The following VIPR1 variants were observed in gnomAD, a reference collection of about 807,000 sequenced individuals.
VIPR1 encodes the protein vasoactive intestinal polypeptide receptor 1.
VIPR1 carries 59 observed loss-of-function variants against 58.8 expected under a neutral mutation model. The ratio of observed to expected loss-of-function variants is 1.00; its 90% confidence interval spans 0.81 to 1.25. The LOEUF (loss-of-function observed/expected upper bound fraction) is 1.25. Ranked by LOEUF, VIPR1 falls within the 50% of genes most tolerant of loss-of-function variation. The pLI is 0.00. For missense variants in VIPR1, 626 were observed against 602.7 expected (o/e 1.04, Z -0.40); for synonymous variants, 251 against 242.1 (o/e 1.04, Z -0.34).
chr3:42,520,676 T>TA (rs1336955513), intron 3 of VIPR1, among the ~76,000 whole-genome samples: 2 of 151,926 alleles, frequency 1.3e-5, no homozygotes, highest in African/African-American at 2.4e-5. Flanking sequence ...GAGCAGAACT[T>TA]ATATAATTAT....
At position 42,530,783 on chromosome 3, in the gene VIPR1, G is replaced by T; in HGVS notation, c.641G>T (p.Gly214Val). 6.2e-7 allele frequency: 1 copy of T among 1,613,974 alleles called. No individual in the cohort carries two copies. Among genetic ancestry groups the T allele is most frequent in the South Asian group, 1.1e-5 (1 of 91,080 alleles). ...ESDQCSEGSV[G>V]CKAAMVFFQY... ...TCTTTTCTCCTCCCCCTGCAGGTGG[G>T]CTGTAAGGCAGCCATGGTCTTTTTC... Residue 214 changes from glycine (G) to valine (V), a missense_variant, in exon 7 of 13, where the codon GGC becomes GTC. Transcript: ENST00000325123.
At chr3:42,518,467 G>A (rs1323064715) in intron 2 of VIPR1, among the ~76,000 whole-genome samples, 2 of 152,180 alleles carry the variant, frequency 1.3e-5, no homozygotes. Flanking sequence ...GGCCGGGCGC[G>A]GTGGCTCATA....
chr3:42,491,759 G>C (rs183460907), intron 1 of VIPR1, among the ~76,000 whole-genome samples: 349 of 152,246 alleles, frequency 2.3e-3, no homozygotes, highest in Non-Finnish European at 4.1e-3. Flanking sequence ...ATTTTTAGTA[G>C]AGCTGGGCTT....
chr3:42,536,357 GCCTGCCCGGGCGCGGCCAGCCCCGGC>G lies in VIPR1; in HGVS notation c.*81_*106del. ...ACCCCGGCAGACGCCGGGGACAGAGGCCTGCCCGGGCGCGGCCAGCCCCGGCCCTGGGCTCGGAGGCTGCCCCCGGC... is the reference window on the plus strand; with the variant it reads ...ACCCCGGCAGACGCCGGGGACAGAGGCCTGGGCTCGGAGGCTGCCCCCGGC... On this transcript the variant is annotated 3_prime_UTR_variant, in exon 13 of 13. Coordinates refer to ENST00000325123, the MANE Select transcript of VIPR1 (RefSeq NM_004624.4). 1 of 1,418,518 alleles carries G rather than the reference GCCTGCCCGGGCGCGGCCAGCCCCGGC, an allele frequency of 7.0e-7. No individual in the cohort carries two copies. Among genetic ancestry groups the G allele is most frequent in the Non-Finnish European group, 9.2e-7 (1 of 1,088,392 alleles). The allele number at this position is 1,418,518 out of a possible 1,614,324, so 87.9% of individuals were successfully genotyped here. A position where few individuals can be genotyped will look rare whatever the true frequency, so the allele number is the denominator to read the frequency against.
intron 1 of VIPR1, among the ~76,000 whole-genome samples, chr3:42,493,736 C>T (rs1699707997): frequency 6.6e-6 from 1 of 152,238 alleles, no homozygotes; most frequent in Admixed American, 6.5e-5. Context: ...ACTCCCACCC[C>T]TGCTCTGCAA....
At position 42,527,501 on chromosome 3, in the gene VIPR1, G is replaced by A. The variant is rs1197584469; in HGVS notation, c.503+5G>A. 10 of 1,613,108 alleles carry A rather than the reference G, an allele frequency of 6.2e-6. No homozygotes were observed. The highest frequency in any genetic ancestry group is 8.5e-6 in the Non-Finnish European group (10 of 1,179,834). On this transcript the variant is annotated splice_donor_5th_base_variant and intron_variant, in intron 5 of 12. Coordinates refer to ENST00000325123, the MANE Select transcript of VIPR1 (RefSeq NM_004624.4). ...AGCTATCCTGAGCCTGTTCAGGTGA[G>A]GCCCAGCCCAAGTCACAGGCCTCAA... is the stretch of plus-strand genomic sequence containing the variant.
chr3:42,521,381 G>A (rs1463165929), intron 3 of VIPR1: 1 of 152,184 alleles, frequency 6.6e-6, no homozygotes, highest in African/African-American at 2.4e-5. Flanking sequence ...CTCTGAAAAT[G>A]GTGGAGAGAA....
intron 10 of VIPR1, 194 bp from the exon 11 acceptor site, chr3:42,534,781 A>G: frequency 1.6e-6 from 1 of 609,982 alleles, no homozygotes; most frequent in Non-Finnish European, 2.6e-6. Context: ...GGCTGGGGGC[A>G]GAAGGGCAGA....
chr3:42,497,344 G>A (rs1699782519), intron 1 of VIPR1, among the ~76,000 whole-genome samples: 1 of 152,092 alleles, frequency 6.6e-6, no homozygotes, highest in South Asian at 2.1e-4. Flanking sequence ...GCACACGCTG[G>A]CCAAGCCCTG....
chr3:42,536,122 C>G lies in VIPR1; in HGVS notation c.1215C>G (p.Arg405=). Reference sequence around the variant, plus strand: ...CGGAGCTGAGGCGGAAGTGGCGGCGCTGGCACCTGCAGGGCGTCCTGGGCT... The same window carrying G: ...CGGAGCTGAGGCGGAAGTGGCGGCGGTGGCACCTGCAGGGCGTCCTGGGCT... ...VQAELRRKWR[R]WHLQGVLGWN... The change falls in exon 13 of 13, where the codon CGC becomes CGG. Residue 405 remains arginine (R), a synonymous_variant. Coordinates refer to ENST00000325123, the MANE Select transcript of VIPR1 (RefSeq NM_004624.4). The G allele has an allele frequency of 6.2e-7, 1 of 1,603,698 alleles. No individual in the cohort carries two copies.
chr3:42,513,571 T>C (rs1017643499), intron 1 of VIPR1, 178 bp from the exon 2 acceptor site: 3 of 607,234 alleles, frequency 4.9e-6, no homozygotes, highest in African/African-American at 3.7e-5. Context: ...GACCCAGGTT[T>C]GGGGGCAATG....
rs147136453 is a variant in VIPR1 at position 42,508,494 on chromosome 3, T to C, written c.79-5255T>C. Among the ~76,000 whole-genome samples the C allele has an allele frequency of 3.0e-3, 452 of 152,238 alleles. 2 individuals are homozygous for C. Among genetic ancestry groups the C allele is most frequent in the African/African-American group, 9.8e-3 (407 of 41,526 alleles). On this transcript the variant is annotated intron_variant, in intron 1 of 12. Coordinates refer to ENST00000325123, the MANE Select transcript of VIPR1 (RefSeq NM_004624.4). ...TTAGATATTTTTAAAATTAGTAAAA[T>C]ATAGAAATCTGAATTGACAGCTCAG...
upstream of VIPR1, among the ~76,000 whole-genome samples, chr3:42,498,959 A>G (rs1223492512): frequency 3.3e-5 from 5 of 152,218 alleles, no homozygotes; most frequent in Non-Finnish European, 1.5e-5. Flanking sequence ...ATCTTCTCAC[A>G]GGAAGAACTG....
At chr3:42,490,947 G>T (rs148480395) in intron 1 of VIPR1, among the ~76,000 whole-genome samples, 14 of 152,262 alleles carry the variant, frequency 9.2e-5, no homozygotes, top group African/African-American at 3.4e-4. Context: ...TGTGATGGAG[G>T]CATCACTCAG....
rs1396148667 is a variant in VIPR1, at chr3:42,534,968, T to C, written c.1011-7T>C. ...ATACCCATGGCCTGTCCCTCCCCTG[T>C]CTCCAGAAGGCTAGCCAGGTCCACA... is the stretch of plus-strand genomic sequence containing the variant. On this transcript the variant is annotated splice_region_variant and splice_polypyrimidine_tract_variant and intron_variant, in intron 10 of 12. Transcript: ENST00000325123. 6.2e-7 allele frequency: 1 copy of C among 1,614,084 alleles called. No individual in the cohort carries two copies. The highest frequency in any genetic ancestry group is 1.7e-5 in the Admixed American group (1 of 60,012).
intron 6 of VIPR1, 85 bp from the exon 7 acceptor site, chr3:42,530,694 G>A (rs2125675229): frequency 2.7e-6 from 4 of 1,487,720 alleles, no homozygotes; most frequent in Middle Eastern, 1.8e-4. Context: ...CACTGCAACT[G>A]TGTTTGTCCC....
intron 1 of VIPR1, among the ~76,000 whole-genome samples, chr3:42,512,567 A>G (rs1025186270): frequency 3.9e-5 from 6 of 152,076 alleles, no homozygotes; most frequent in African/African-American, 1.4e-4. Flanking sequence ...AAGAATCTCT[A>G]AGTCGGCAGG....
At chr3:42,499,197 C>T (rs1699820866), upstream of VIPR1, among the ~76,000 whole-genome samples, 5 of 151,594 alleles carry the variant, frequency 3.3e-5, no homozygotes, top group Admixed American at 3.3e-4. Flanking sequence ...CCTAGCCTGG[C>T]CTCCAGCGTA....
At chr3:42,515,870 C>T (rs1577221037) in intron 2 of VIPR1, among the ~76,000 whole-genome samples, 2 of 152,140 alleles carry the variant, frequency 1.3e-5, no homozygotes, top group East Asian at 3.8e-4. Flanking sequence ...TGCTGTGTCT[C>T]TGTGTGTTGG....
Sources: allele counts gnomAD v4.1 joint callset (sites outside exome capture counted in the v4.1 genomes callset), GRCh38; gene constraint gnomAD v4.1.1; transcripts MANE v1.5; gene names NCBI Gene and HGNC (gene_info 2026-07-23, HGNC 2026-07-21).